HOATZ: variants seen among roughly 807,000 people sequenced by gnomAD.
HOATZ encodes cilia- and flagella-associated protein HOATZ.
In HOATZ, 26 loss-of-function variants were observed where a neutral mutation model predicts 24.9. The ratio of observed to expected loss-of-function variants is 1.04; its 90% CI spans 0.76 to 1.45. The LOEUF is 1.45. Ranked by LOEUF, HOATZ falls within the 40% of genes most tolerant of loss-of-function variation. The probability of loss-of-function intolerance (pLI) is 0.00; values close to 1 mark genes in which losing one functional copy is unlikely to be tolerated. For synonymous variants in HOATZ, 83 were observed against 76.6 expected (o/e 1.08, Z -0.43); for missense variants, 226 against 201.5 (o/e 1.12, Z -0.74).
At chr11:111,536,127 C>T (rs1443717890) in intron 5 of HOATZ, 1 of 152,218 alleles carries the variant, frequency 6.6e-6, no homozygotes, top group African/African-American at 2.4e-5. Context: ...CCCAAAGTGC[C>T]AGCATACTGC....
At chr11:111,517,928 A>T (rs2135773051) in intron 3 of HOATZ, among the ~76,000 whole-genome samples, 1 of 152,038 alleles carries the variant, frequency 6.6e-6, no homozygotes, top group Admixed American at 6.6e-5. Flanking sequence ...TCAAGGCCAA[A>T]CTCCTTAGCA....
At chr11:111,534,536 T>C (rs2135782976) in intron 5 of HOATZ, 72 bp downstream of exon 5, 1 of 1,228,358 alleles carries the variant, frequency 8.1e-7, no homozygotes, top group East Asian at 2.3e-5. Flanking sequence ...TCTTTTTTCT[T>C]ACTTTGCCAC....
chr11:111,530,422 C>A (rs1286002776), intron 3 of HOATZ, among the ~76,000 whole-genome samples: 5 of 152,182 alleles, frequency 3.3e-5, no homozygotes, highest in Non-Finnish European at 7.4e-5. Context: ...AAGAGAGAAC[C>A]AGACAATTTA....
intron 2 of HOATZ, 40 bp from the exon 3 acceptor site, chr11:111,516,000 T>C (rs1337948290): frequency 7.7e-7 from 1 of 1,296,958 alleles, no homozygotes; most frequent in Non-Finnish European, 1.1e-6. Flanking sequence ...AAAATCATAA[T>C]AAAATTATTT....
At chr11:111,523,603 C>G (rs2156580) in intron 3 of HOATZ, among the ~76,000 whole-genome samples, 42,616 of 151,908 alleles carry the variant, frequency 0.28, 6,654 homozygotes, top group Middle Eastern at 0.39. Flanking sequence ...TTTAACATAC[C>G]AAGACTTTCA....
intron 2 of HOATZ, 127 bp from the exon 3 acceptor site, chr11:111,515,913 C>A (rs181711044): frequency 1.6e-6 from 1 of 619,230 alleles, no homozygotes; most frequent in Non-Finnish European, 2.8e-6. Context: ...TCCAATACAC[C>A]ACATGTATTT....
chr11:111,536,602 A>C, intron 5 of HOATZ, 168 bp from the exon 6 acceptor site: 2 of 582,972 alleles, frequency 3.4e-6, no homozygotes, highest in Non-Finnish European at 6.2e-6. Flanking sequence ...ACAATATCAT[A>C]ACCACTTCTC....
chr11:111,524,076 T>A (rs1210337849), intron 3 of HOATZ, among the ~76,000 whole-genome samples: 1 of 152,220 alleles, frequency 6.6e-6, no homozygotes, highest in Non-Finnish European at 1.5e-5. Flanking sequence ...GTGTTATGAA[T>A]GAATAAGTGG....
chr11:111,533,982 A>G (rs916213751), intron 4 of HOATZ, among the ~76,000 whole-genome samples, 177 bp downstream of exon 4: 3 of 152,264 alleles, frequency 2.0e-5, no homozygotes, highest in Non-Finnish European at 4.4e-5. Flanking sequence ...TTGATCAATC[A>G]AAGCTATCTC....
At chr11:111,523,077 C>CA (rs749406660) in intron 3 of HOATZ, among the ~76,000 whole-genome samples, 23 of 150,626 alleles carry the variant, frequency 1.5e-4, no homozygotes, top group Admixed American at 7.9e-4. Context: ...GAGACTGTCT[C>CA]AAAAAAAAAT....
intron 3 of HOATZ, among the ~76,000 whole-genome samples, chr11:111,520,764 G>A (rs116796341): frequency 0.022 from 3,375 of 152,238 alleles, 122 homozygotes; most frequent in African/African-American, 0.076. Flanking sequence ...CATCCCACTT[G>A]GGATATGAAT....
chr11:111,536,094 A>C (rs1323241586), intron 5 of HOATZ: 1 of 152,204 alleles, frequency 6.6e-6, no homozygotes, highest in Non-Finnish European at 1.5e-5. Context: ...ACTATACTGT[A>C]AGCTCCATGA....
intron 3 of HOATZ, among the ~76,000 whole-genome samples, chr11:111,523,372 T>C (rs1198314151): frequency 2.6e-5 from 4 of 152,170 alleles, no homozygotes; most frequent in Non-Finnish European, 5.9e-5. Context: ...GAGTTTCATA[T>C]TGATAAATCA....
chr11:111,522,257 A>G (rs1247529140), intron 3 of HOATZ, among the ~76,000 whole-genome samples: 1 of 152,264 alleles, frequency 6.6e-6, no homozygotes, highest in East Asian at 1.9e-4. Flanking sequence ...AAAAAGGATC[A>G]TGTACATTTT....
chr11:111,515,947 A>G, intron 2 of HOATZ, 93 bp from the exon 3 acceptor site: 1 of 821,714 alleles, frequency 1.2e-6, no homozygotes, highest in South Asian at 1.8e-5. Flanking sequence ...TACTCTATGT[A>G]TTCCCTTTCA....
intron 5 of HOATZ, chr11:111,535,773 C>T (rs1206320953): frequency 6.6e-6 from 1 of 152,336 alleles, no homozygotes; most frequent in East Asian, 1.9e-4. Context: ...ATTCTCCTGC[C>T]TCAGCCTTCC....
At chr11:111,515,032 T>C in intron 1 of HOATZ, 22 bp downstream of exon 1, 1 of 1,575,212 alleles carries the variant, frequency 6.3e-7, no homozygotes, top group Non-Finnish European at 8.7e-7. Flanking sequence ...AGCGGCCTCC[T>C]GTCAGTCATA....
At chr11:111,527,864 A>G (rs990866759) in intron 3 of HOATZ, among the ~76,000 whole-genome samples, 13 of 152,224 alleles carry the variant, frequency 8.5e-5, no homozygotes, top group African/African-American at 3.1e-4. Context: ...ATGATAAATC[A>G]ATAAAAACCT....
At chr11:111,533,870 G>A in intron 4 of HOATZ, 65 bp downstream of exon 4, 1 of 1,237,200 alleles carries the variant, frequency 8.1e-7, no homozygotes, top group East Asian at 2.5e-5. Flanking sequence ...AAATTTTGCA[G>A]AGGTTTTATA....
Sources: gnomAD v4.1 joint callset for allele counts (sites outside exome capture counted in the v4.1 genomes callset) on GRCh38, gnomAD v4.1.1 for gene constraint, MANE v1.5 for transcripts, NCBI Gene and HGNC (gene_info 2026-07-23, HGNC 2026-07-21) for gene names.